The following TSPEAR variants were observed in gnomAD, a reference collection of about 807,000 sequenced individuals.
The protein encoded by TSPEAR is thrombospondin-type laminin G domain and EAR repeat-containing protein.
In TSPEAR, 69 loss-of-function variants were observed where a neutral mutation model predicts 71.6. That is an observed-to-expected ratio of 0.96 (90% confidence interval 0.79 to 1.18). The LOEUF (loss-of-function observed/expected upper bound fraction) is 1.18. Among genes scored for constraint, TSPEAR ranks in the 50% most tolerant of loss-of-function variants. The pLI is 0.00. For synonymous variants in TSPEAR, 402 were observed against 387.2 expected (o/e 1.04, Z -0.45); for missense variants, 971 against 894.9 (o/e 1.09, Z -1.09).
At chr21:44,598,331 A>ACAC (rs1317455370) in intron 1 of TSPEAR, among the ~76,000 whole-genome samples, 1 of 152,198 alleles carries the variant, frequency 6.6e-6, no homozygotes, top group Non-Finnish European at 1.5e-5. Flanking sequence ...TGGGGAAAGG[A>ACAC]CACAGGGGCA....
chr21:44,671,619 A>G (rs1986059180), intron 1 of TSPEAR, among the ~76,000 whole-genome samples: 1 of 152,234 alleles, frequency 6.6e-6, no homozygotes, highest in Non-Finnish European at 1.5e-5. Flanking sequence ...AATCATACAG[A>G]GACTAAACTA....
At position 44,507,105 on chromosome 21, in the gene TSPEAR, G is replaced by T. The variant is rs938411020; in HGVS notation, c.1754+2094C>A. Reference sequence around the variant, plus strand: ...GTGCTGCGAGAAAAAGCCAGGTACAGAGGCCACGGCTCTACGAGTCCATTT... The same window carrying T: ...GTGCTGCGAGAAAAAGCCAGGTACATAGGCCACGGCTCTACGAGTCCATTT... On this transcript the variant is annotated intron_variant, in intron 10 of 11. Coordinates refer to ENST00000323084, the MANE Select transcript of TSPEAR (RefSeq NM_144991.3). 6.6e-5 allele frequency: 10 copies of T among 152,362 alleles called. No homozygotes were observed. In the South Asian group the frequency reaches 8.3e-4, roughly 13 times the overall value. 9.4% of individuals were successfully genotyped at this position (152,362 alleles called of 1,614,324 possible).
chr21:44,541,785 C>G lies in TSPEAR; in HGVS notation c.304-7862G>C, dbSNP rs185265746. ...GAAGGAAAAACCAGAAAGAATGAAACCTATCTTTAAATAAACTCGCACTGA... is the reference window on the plus strand; with the variant it reads ...GAAGGAAAAACCAGAAAGAATGAAAGCTATCTTTAAATAAACTCGCACTGA... On this transcript the variant is annotated intron_variant, in intron 2 of 11. Coordinates refer to ENST00000323084, the MANE Select transcript of TSPEAR (RefSeq NM_144991.3). Among the ~76,000 whole-genome samples the G allele has an allele frequency of 2.1e-3, 313 of 152,326 alleles. 5 individuals carry two copies. Among genetic ancestry groups the G allele is most frequent in the Middle Eastern group, 0.014 (4 of 294 alleles).
At chr21:44,511,828 A>AG (rs34598570) in intron 9 of TSPEAR, among the ~76,000 whole-genome samples, 48 of 152,382 alleles carry the variant, frequency 3.1e-4, no homozygotes, top group African/African-American at 1.2e-3. Flanking sequence ...GTAGCAGCCC[A>AG]GGGTGATGGG....
In TSPEAR at chr21:44,600,739, A is replaced by T. The variant is rs377668938; in HGVS notation, c.83-32734T>A. 4.3e-6 allele frequency: 7 copies of T among 1,610,796 alleles called. No individual in the cohort carries two copies. Among genetic ancestry groups the T allele is most frequent in the African/African-American group, 1.4e-5 (1 of 72,884 alleles). ...CTGGCAGGTGGACGACTGCCCAGAGAGCTGCTGCGAGCCCCCCTGCTGCGC... is the reference window on the plus strand; with the variant it reads ...CTGGCAGGTGGACGACTGCCCAGAGTGCTGCTGCGAGCCCCCCTGCTGCGC... On this transcript the variant is annotated intron_variant, in intron 1 of 11. Transcript: ENST00000323084.
chr21:44,692,670 T>A (rs1276999044), intron 1 of TSPEAR, among the ~76,000 whole-genome samples: 1 of 152,152 alleles, frequency 6.6e-6, no homozygotes, highest in Non-Finnish European at 1.5e-5. Context: ...AAGAGACTTG[T>A]ACAATGATAA....
rs1391341508 is a variant in TSPEAR, at chr21:44,707,322, G to C, written c.82+4111C>G. 2.6e-5 allele frequency among the ~76,000 whole-genome samples: 4 copies of C among 152,090 alleles called. No homozygotes were observed. In the East Asian group the frequency reaches 7.8e-4, roughly 29 times the overall value. On this transcript the variant is annotated intron_variant, in intron 1 of 11. Transcript: ENST00000323084. ...CGGGGTGGGGGGGGGTGCGGGGAGA[G>C]AGGACACAGGGTCGGAAGGGTGAGG...
intron 1 of TSPEAR, among the ~76,000 whole-genome samples, chr21:44,596,231 G>A (rs442845): frequency 0.12 from 17,585 of 152,204 alleles, 1,564 homozygotes; most frequent in African/African-American, 0.24. Context: ...CGGGCAGCTC[G>A]CAATGTGCTG....
chr21:44,538,151 C>T (rs587607767), intron 2 of TSPEAR, among the ~76,000 whole-genome samples: 11 of 152,270 alleles, frequency 7.2e-5, no homozygotes, highest in Non-Finnish European at 1.3e-4. Context: ...TTCTCATCAG[C>T]GTTTTGGTCT....
rs782550496 is a variant in TSPEAR at position 44,600,749 on chromosome 21, A to T, written c.83-32744T>A. 16 of 1,609,392 alleles carry T rather than the reference A, an allele frequency of 9.9e-6. 1 individual carries two copies. In the East Asian group the frequency reaches 3.6e-4, roughly 36 times the overall value. ...GACGACTGCCCAGAGAGCTGCTGCG[A>T]GCCCCCCTGCTGCGCCCCGGCCCCC... On this transcript the variant is annotated intron_variant, in intron 1 of 11. Transcript: ENST00000323084.
chr21:44,572,410 C>T (rs975646874), intron 1 of TSPEAR, among the ~76,000 whole-genome samples: 6 of 152,096 alleles, frequency 3.9e-5, no homozygotes, highest in Non-Finnish European at 5.9e-5. Context: ...TGGCAAAGGG[C>T]GATGTGAACC....
At chr21:44,541,436 TACAA>T (rs2053221478) in intron 2 of TSPEAR, among the ~76,000 whole-genome samples, 2 of 152,198 alleles carry the variant, frequency 1.3e-5, no homozygotes, top group South Asian at 4.1e-4. Flanking sequence ...AAATCTGGTT[TACAA>T]ACAAAATCTC....
chr21:44,652,129 GC>G, intron 1 of TSPEAR, among the ~76,000 whole-genome samples: 1 of 152,006 alleles, frequency 6.6e-6, no homozygotes, highest in East Asian at 1.9e-4. Flanking sequence ...GAGTACAGGT[GC>G]CTGCCACCTC....
chr21:44,628,620 G>A (rs587673576), intron 1 of TSPEAR, among the ~76,000 whole-genome samples: 148 of 151,870 alleles, frequency 9.7e-4, no homozygotes, highest in African/African-American at 3.3e-3. Flanking sequence ...CAGACACCAC[G>A]TGACTCAGGC....
At chr21:44,675,017 T>A (rs1330852483) in intron 1 of TSPEAR, among the ~76,000 whole-genome samples, 1 of 152,104 alleles carries the variant, frequency 6.6e-6, no homozygotes, top group Non-Finnish European at 1.5e-5. Flanking sequence ...CCAACACTAA[T>A]TCTCCTCAAA....
chr21:44,533,609 C>T (rs944612350), intron 3 of TSPEAR, 76 bp downstream of exon 3: 39 of 1,274,716 alleles, frequency 3.1e-5, no homozygotes, highest in Admixed American at 1.7e-4. Context: ...TGTTGCTCGG[C>T]GAGCACGGCT....
intron 2 of TSPEAR, among the ~76,000 whole-genome samples, chr21:44,550,146 A>G (rs1555918320): frequency 6.6e-6 from 1 of 152,246 alleles, no homozygotes; most frequent in Non-Finnish European, 1.5e-5. Flanking sequence ...GCCAATGAAC[A>G]AGGCTTTTGG....
intron 9 of TSPEAR, chr21:44,518,698 G>A: frequency 2.1e-6 from 1 of 470,848 alleles, no homozygotes; most frequent in Admixed American, 2.3e-5. Context: ...TTCGTTAGAT[G>A]ATTGGAAGTG....
intron 5 of TSPEAR, among the ~76,000 whole-genome samples, chr21:44,529,258 A>C (rs1460591095): frequency 6.6e-6 from 1 of 152,184 alleles, no homozygotes. Flanking sequence ...TCTCCATGGC[A>C]GGAGTGTGGT....
Sources: allele counts gnomAD v4.1 joint callset (sites outside exome capture counted in the v4.1 genomes callset), GRCh38; gene constraint gnomAD v4.1.1; transcripts MANE v1.5; gene names NCBI Gene and HGNC (gene_info 2026-07-23, HGNC 2026-07-21).